HPSE2: variants seen among roughly 807,000 people sequenced by gnomAD.
HPSE2 encodes the protein heparanase 2 (inactive).
HPSE2 carries 38 observed loss-of-function variants against 60.5 expected under a neutral mutation model. The observed-to-expected ratio is 0.63, with a 90% CI of 0.48 to 0.82. The LOEUF is 0.82. Ranked by LOEUF, HPSE2 falls within the 40% of genes least tolerant of loss-of-function variation. The pLI, the probability that HPSE2 is intolerant of heterozygous loss-of-function variation, is 0.00. For missense variants in HPSE2, 713 were observed against 740.4 expected (o/e 0.96, Z 0.43); for synonymous variants, 295 against 293.2 (o/e 1.01, Z -0.06).
intron 5 of HPSE2, among the ~76,000 whole-genome samples, chr10:98,708,772 C>T (rs1038862815): frequency 2.0e-5 from 3 of 152,128 alleles, no homozygotes; most frequent in Non-Finnish European, 2.9e-5. Context: ...CCAAACACAT[C>T]CTTCTCTTTT....
At chr10:98,807,218 G>A (rs1951062793) in intron 3 of HPSE2, among the ~76,000 whole-genome samples, 1 of 152,094 alleles carries the variant, frequency 6.6e-6, no homozygotes, top group South Asian at 2.1e-4. Context: ...TCAAAATTCT[G>A]CCATTCTTTT....
chr10:99,197,735 G>A (rs947253083), intron 2 of HPSE2, among the ~76,000 whole-genome samples: 9 of 152,026 alleles, frequency 5.9e-5, no homozygotes, highest in South Asian at 2.1e-4. Context: ...AGTAACACCC[G>A]AGCATAACAC....
At chr10:98,490,536 C>G (rs565587550) in intron 9 of HPSE2, among the ~76,000 whole-genome samples, 1 of 152,290 alleles carries the variant, frequency 6.6e-6, no homozygotes, top group South Asian at 2.1e-4. Flanking sequence ...TTTCAACTTT[C>G]TTTTCCTATG....
rs150019253 is a variant in HPSE2 at position 99,023,401 on chromosome 10, C to G, written c.610+120837G>C. On this transcript the variant is annotated intron_variant, in intron 3 of 11. Coordinates refer to ENST00000370552, the MANE Select transcript of HPSE2 (RefSeq NM_021828.5). ...TAACTCCAGGATGGCACTTCTGGAC[C>G]TAGCTGGGACTGGGGGACATCACCG... 3.5e-3 allele frequency among the ~76,000 whole-genome samples: 534 copies of G among 152,240 alleles called. 2 individuals carry two copies. The highest frequency in any genetic ancestry group is 6.8e-3 in the Admixed American group (104 of 15,288).
chr10:99,078,593 A>G (rs552565500), intron 3 of HPSE2, among the ~76,000 whole-genome samples: 1 of 152,276 alleles, frequency 6.6e-6, no homozygotes, highest in East Asian at 1.9e-4. Context: ...TGGGATATAA[A>G]TTTTTAAAAA....
intron 3 of HPSE2, among the ~76,000 whole-genome samples, chr10:98,944,776 GAA>G (rs903304585): frequency 3.3e-5 from 5 of 152,032 alleles, no homozygotes; most frequent in African/African-American, 1.2e-4. Flanking sequence ...ATCCATGTTT[GAA>G]ATCCTTAGTT....
the HPSE2 span, among the ~76,000 whole-genome samples, chr10:99,308,559 C>T: frequency 1.3e-5 from 2 of 151,750 alleles, no homozygotes; most frequent in Admixed American, 1.3e-4. Flanking sequence ...TCTGTTTGCC[C>T]CAGGAATACT....
intron 9 of HPSE2, among the ~76,000 whole-genome samples, chr10:98,514,132 T>C (rs1367109866): frequency 6.6e-6 from 1 of 152,100 alleles, no homozygotes; most frequent in Non-Finnish European, 1.5e-5. Flanking sequence ...TGGTATAAAA[T>C]AGATGAACCT....
At chr10:99,271,983 A>T in the HPSE2 span, among the ~76,000 whole-genome samples, 4 of 152,172 alleles carry the variant, frequency 2.6e-5, no homozygotes, top group African/African-American at 9.7e-5. Flanking sequence ...TTATACAAAG[A>T]TCAACACACC....
chr10:99,297,711 C>T, the HPSE2 span, among the ~76,000 whole-genome samples: 1 of 152,012 alleles, frequency 6.6e-6, no homozygotes, highest in East Asian at 1.9e-4. Flanking sequence ...GTTCTGTGAC[C>T]CCAACTTGGT....
At chr10:98,737,449 G>C (rs554267108) in intron 4 of HPSE2, among the ~76,000 whole-genome samples, 1 of 108,872 alleles carries the variant, frequency 9.2e-6, no homozygotes, top group Non-Finnish European at 1.9e-5. Context: ...GCCCAGTGTT[G>C]TATCTGGGCC....
At chr10:99,133,829 C>T (rs976076621) in intron 3 of HPSE2, among the ~76,000 whole-genome samples, 1 of 152,186 alleles carries the variant, frequency 6.6e-6, no homozygotes, top group African/African-American at 2.4e-5. Context: ...CAAAGGATCA[C>T]AACTCCTCTC....
At chr10:99,158,747 T>TA (rs1041022997) in intron 2 of HPSE2, among the ~76,000 whole-genome samples, 1,675 of 142,500 alleles carry the variant, frequency 0.012, 18 homozygotes, top group Middle Eastern at 0.046. Flanking sequence ...AAAGTATAAT[T>TA]AAAAAAAAAA....
intron 2 of HPSE2, among the ~76,000 whole-genome samples, chr10:99,171,004 A>G (rs1847287597): frequency 6.6e-6 from 1 of 152,240 alleles, no homozygotes; most frequent in Non-Finnish European, 1.5e-5. Flanking sequence ...ATATGTACAG[A>G]TTATATGCAA....
intron 3 of HPSE2, among the ~76,000 whole-genome samples, chr10:98,777,853 G>C (rs144511815): frequency 3.3e-5 from 5 of 152,080 alleles, no homozygotes; most frequent in African/African-American, 1.2e-4. Flanking sequence ...CACAGGTTCT[G>C]TCAGGCCACC....
chr10:99,191,530 A>G lies in HPSE2; in HGVS notation c.448+40818T>C, dbSNP rs79583788. 5.8e-3 allele frequency among the ~76,000 whole-genome samples: 884 copies of G among 152,352 alleles called. 4 individuals are homozygous for G. The highest frequency in any genetic ancestry group is 0.02 in the African/African-American group (816 of 41,586). On this transcript the variant is annotated intron_variant, in intron 2 of 11. Coordinates refer to ENST00000370552, the MANE Select transcript of HPSE2 (RefSeq NM_021828.5). ...CCAAGACTCCCAAGGCAGTACCTCT[A>G]TGACACTGCATGAGCCACACTGTTA...
At chr10:98,615,762 T>C (rs1375174933) in intron 8 of HPSE2, among the ~76,000 whole-genome samples, 1 of 152,230 alleles carries the variant, frequency 6.6e-6, no homozygotes, top group Non-Finnish European at 1.5e-5. Context: ...TACACATTCA[T>C]GCATTCATTT....
chr10:98,988,114 T>C (rs1160332505), intron 3 of HPSE2, among the ~76,000 whole-genome samples: 459 of 151,770 alleles, frequency 3.0e-3, no homozygotes, highest in Non-Finnish European at 5.3e-3. Context: ...AAGCTACCAA[T>C]GACTTTCTTC....
At chr10:99,148,526 C>G (rs1402526137) in intron 2 of HPSE2, among the ~76,000 whole-genome samples, 5 of 152,116 alleles carry the variant, frequency 3.3e-5, no homozygotes, top group Non-Finnish European at 2.9e-5. Context: ...TGCAGTAGCT[C>G]ACGCCTGTAA....
Sources: gnomAD v4.1 joint callset for allele counts (sites outside exome capture counted in the v4.1 genomes callset) on GRCh38, gnomAD v4.1.1 for gene constraint, MANE v1.5 for transcripts, NCBI Gene and HGNC (gene_info 2026-07-23, HGNC 2026-07-21) for gene names.